CNTNAP2: variants seen among roughly 807,000 people sequenced by gnomAD.
CNTNAP2 encodes contactin-associated protein-like 2.
A neutral mutation model predicts 155.2 loss-of-function variants in CNTNAP2; 98 were observed. The ratio of observed to expected loss-of-function variants is 0.63; its 90% CI spans 0.54 to 0.75. CNTNAP2 has a LOEUF of 0.75. Among genes scored for constraint, CNTNAP2 ranks in the 30% least tolerant of loss-of-function variants. The pLI is 0.00. For synonymous variants in CNTNAP2, 651 were observed against 631.2 expected (o/e 1.03, Z -0.47); for missense variants, 1,727 against 1,688.1 (o/e 1.02, Z -0.40).
chr7:146,353,675 G>A (rs1794955296), intron 1 of CNTNAP2, among the ~76,000 whole-genome samples: 1 of 152,026 alleles, frequency 6.6e-6, no homozygotes, highest in Non-Finnish European at 1.5e-5. Flanking sequence ...TGACAGTCAA[G>A]CTCCTTGGGA....
intron 10 of CNTNAP2, among the ~76,000 whole-genome samples, chr7:147,463,583 A>T (rs930500341): frequency 2.6e-5 from 4 of 152,166 alleles, no homozygotes; most frequent in African/African-American, 7.2e-5. Flanking sequence ...GGATCAGAAA[A>T]CTTAACTCCC....
At chr7:147,187,338 T>C (rs183156601) in intron 8 of CNTNAP2, among the ~76,000 whole-genome samples, 29 of 152,188 alleles carry the variant, frequency 1.9e-4, no homozygotes, top group Non-Finnish European at 3.7e-4. Context: ...CATTAATCAA[T>C]GCAGGGACAA....
At chr7:148,368,978 G>C (rs1028074248) in intron 21 of CNTNAP2, among the ~76,000 whole-genome samples, 4 of 152,074 alleles carry the variant, frequency 2.6e-5, no homozygotes, top group Non-Finnish European at 5.9e-5. Context: ...TGGGCTACCT[G>C]CCTTTAGTTT....
At chr7:147,775,349 T>TA (rs1797561702) in intron 13 of CNTNAP2, among the ~76,000 whole-genome samples, 1 of 36,502 alleles carries the variant, frequency 2.7e-5, no homozygotes, top group East Asian at 4.0e-4. Flanking sequence ...ATATATATAT[T>TA]TATATATATT....
intron 14 of CNTNAP2, among the ~76,000 whole-genome samples, chr7:147,906,866 A>G (rs1799966085): frequency 6.6e-6 from 1 of 152,270 alleles, no homozygotes; most frequent in East Asian, 1.9e-4. Flanking sequence ...CCTTATTCCC[A>G]GACCTCCTCC....
intron 20 of CNTNAP2, among the ~76,000 whole-genome samples, chr7:148,244,047 G>GTA (rs1395912223): frequency 2.0e-5 from 3 of 152,192 alleles, no homozygotes; most frequent in South Asian, 2.1e-4. Flanking sequence ...GGGTGTAAGG[G>GTA]TATATCTGGT....
chr7:146,627,871 C>A (rs536273970), intron 1 of CNTNAP2, among the ~76,000 whole-genome samples: 29 of 152,170 alleles, frequency 1.9e-4, no homozygotes, highest in African/African-American at 6.5e-4. Flanking sequence ...CTACTTTCTT[C>A]TTTTATATAA....
intron 13 of CNTNAP2, chr7:147,849,935 T>C (rs1798896392): frequency 1.3e-5 from 2 of 152,112 alleles, no homozygotes; most frequent in Non-Finnish European, 2.9e-5. Context: ...CTAAGCAGGG[T>C]TGGTTTGGCT....
intron 8 of CNTNAP2, among the ~76,000 whole-genome samples, chr7:147,202,859 AAT>A (rs1204677191): frequency 2.9e-4 from 43 of 149,802 alleles, no homozygotes; most frequent in African/African-American, 9.0e-4. Context: ...ATTAAAAAAA[AAT>A]ATATATATAT....
At chr7:147,436,482 T>C (rs1048575322) in intron 10 of CNTNAP2, among the ~76,000 whole-genome samples, 21 of 151,800 alleles carry the variant, frequency 1.4e-4, no homozygotes, top group Non-Finnish European at 3.1e-4. Context: ...TAAAAAACAA[T>C]AAGAAAACAA....
chr7:148,198,620 T>G (rs112890376), intron 18 of CNTNAP2, among the ~76,000 whole-genome samples: 6,219 of 152,316 alleles, frequency 0.041, 190 homozygotes, highest in Middle Eastern at 0.075. Context: ...GACACTGTGT[T>G]CTTCTAGATA....
rs116216962 is a variant in CNTNAP2 at position 147,488,312 on chromosome 7, T to C, written c.1777+2271T>C. 2.2e-3 allele frequency among the ~76,000 whole-genome samples: 338 copies of C among 152,344 alleles called. 2 individuals are homozygous for C. Among genetic ancestry groups the C allele is most frequent in the African/African-American group, 7.6e-3 (314 of 41,586 alleles). The stretch of plus-strand genomic sequence containing the variant: ...AGTTTCTGATGTGTCTGACGCTAGC[T>C]ATAAAACCATCAGGCCGTGTGCCTT... On this transcript the variant is annotated intron_variant, in intron 11 of 23. Coordinates refer to ENST00000361727, the MANE Select transcript of CNTNAP2 (RefSeq NM_014141.6).
chr7:148,252,249 G>A (rs1168811467), intron 20 of CNTNAP2, among the ~76,000 whole-genome samples: 2 of 152,136 alleles, frequency 1.3e-5, no homozygotes, highest in African/African-American at 4.8e-5. Context: ...AAGAATATCA[G>A]TTTCTCAAGG....
At chr7:147,583,354 A>G (rs1800547669) in intron 12 of CNTNAP2, among the ~76,000 whole-genome samples, 1 of 151,898 alleles carries the variant, frequency 6.6e-6, no homozygotes, top group African/African-American at 2.4e-5. Context: ...TTGCTACTTC[A>G]GTCTGCTGGA....
At chr7:147,313,206 G>A (rs1029808023) in intron 9 of CNTNAP2, among the ~76,000 whole-genome samples, 7 of 152,052 alleles carry the variant, frequency 4.6e-5, no homozygotes, top group Non-Finnish European at 7.3e-5. Flanking sequence ...CTCCCACTTT[G>A]TAGGTTCCCA....
At chr7:146,120,153 A>G (rs1797541594) in intron 1 of CNTNAP2, among the ~76,000 whole-genome samples, 1 of 151,928 alleles carries the variant, frequency 6.6e-6, no homozygotes, top group Non-Finnish European at 1.5e-5. Flanking sequence ...CAATTCATAT[A>G]CTTCTCCCAA....
chr7:148,382,098 G>C (rs1006551220), intron 21 of CNTNAP2, among the ~76,000 whole-genome samples: 18 of 152,256 alleles, frequency 1.2e-4, no homozygotes, highest in Non-Finnish European at 2.9e-5. Flanking sequence ...AGAAGAGAGT[G>C]AAAGAGGCCC....
intron 1 of CNTNAP2, among the ~76,000 whole-genome samples, chr7:146,180,247 G>A (rs1273232586): frequency 6.6e-6 from 1 of 152,016 alleles, no homozygotes; most frequent in African/African-American, 2.4e-5. Flanking sequence ...CTACTAGTGA[G>A]TTCTTTTGCA....
chr7:146,314,075 A>G (rs1800870515), intron 1 of CNTNAP2, among the ~76,000 whole-genome samples: 1 of 152,178 alleles, frequency 6.6e-6, no homozygotes. Flanking sequence ...CGTTCTTCTG[A>G]ATATGAATAT....
Sources: gnomAD v4.1 joint callset for allele counts (sites outside exome capture counted in the v4.1 genomes callset) on GRCh38, gnomAD v4.1.1 for gene constraint, MANE v1.5 for transcripts, NCBI Gene and HGNC (gene_info 2026-07-23, HGNC 2026-07-21) for gene names.